Variants in TPR observed in about 807,000 individuals in gnomAD.
TPR encodes nucleoprotein TPR.
TPR carries 51 observed loss-of-function variants against 316.1 expected under a neutral mutation model. The ratio of observed to expected loss-of-function variants is 0.16; its 90% CI spans 0.13 to 0.20. The LOEUF is 0.20. Among genes scored for constraint, TPR ranks in the 10% least tolerant of loss-of-function variants. TPR has a pLI of 1.00. For missense variants in TPR, 2,272 were observed against 2,754.8 expected (o/e 0.82, Z 3.92); for synonymous variants, 981 against 914.7 (o/e 1.07, Z -1.31).
At chr1:186,368,286 A>AT (rs1659405949) in intron 3 of TPR, among the ~76,000 whole-genome samples, 1 of 152,196 alleles carries the variant, frequency 6.6e-6, no homozygotes, top group Non-Finnish European at 1.5e-5. Flanking sequence ...TTCAAGAAAG[A>AT]TTCCTAAAAA....
At chr1:186,356,185 T>A in intron 15 of TPR, 101 bp downstream of exon 15, 1 of 1,054,926 alleles carries the variant, frequency 9.5e-7, no homozygotes. Flanking sequence ...TAGTCAAATT[T>A]GAAGCTACCA....
At chr1:186,360,118 T>A in intron 11 of TPR, 122 bp from the exon 12 acceptor site, 1 of 1,291,604 alleles carries the variant, frequency 7.7e-7, no homozygotes, top group Non-Finnish European at 1.1e-6. Flanking sequence ...CTATGTTAGT[T>A]ACACAGCACT....
chr1:186,336,978 A>C, intron 32 of TPR, 35 bp downstream of exon 32: 1 of 1,612,606 alleles, frequency 6.2e-7, no homozygotes, highest in South Asian at 1.1e-5. Context: ...GTATAACAGG[A>C]AAGAATTAGG....
At chr1:186,341,512 T>A in intron 27 of TPR, 123 bp from the exon 28 acceptor site, 3 of 1,120,610 alleles carry the variant, frequency 2.7e-6, no homozygotes, top group African/African-American at 3.2e-5. Flanking sequence ...CTTTTAGAAC[T>A]AAAATTTTTG....
rs764118694 is a variant in TPR, at chr1:186,350,297, A to C, written c.2702T>G (p.Ile901Ser). Reference sequence around the variant, plus strand: ...ACTGAGGTGCTGTTTCAATGTGGCAATTTCTTTTTGAGCATTTTTTAATAG... The same window carrying C: ...ACTGAGGTGCTGTTTCAATGTGGCACTTTCTTTTTGAGCATTTTTTAATAG... ...KELLKNAQKE[I>S]ATLKQHLSNM... The change falls in exon 21 of 51, where the codon ATT (isoleucine) becomes AGT (serine). Residue 901 changes from isoleucine to serine, a missense_variant. Around this residue, in one of 10 missense-constraint regions of TPR, gnomAD observed 757 missense variants for 859.8 expected, o/e 0.88. Transcript: ENST00000367478. 1.9e-6 allele frequency: 3 copies of C among 1,613,790 alleles called. No homozygotes were observed. The highest frequency in any genetic ancestry group is 2.5e-6 in the Non-Finnish European group (3 of 1,179,888).
In TPR at chr1:186,313,654, T is replaced by G; in HGVS notation, c.*317A>C. 1 of 1,412,822 alleles carries G rather than the reference T, an allele frequency of 7.1e-7. No individual in the cohort carries two copies. The highest frequency in any genetic ancestry group is 1.0e-6 in the Non-Finnish European group (1 of 997,296). The allele number at this position is 1,412,822 out of a possible 1,614,324, so 87.5% of individuals were successfully genotyped here. On this transcript the variant is annotated 3_prime_UTR_variant, in exon 51 of 51. Transcript: ENST00000367478. ...GTTTGGGCATTGTTTTCTTTTTAAC[T>G]AAAAAAATGTTTTCTCTTCCATTTA...
rs1256914182 is a variant in TPR at position 186,318,726 on chromosome 1, T to C, written c.6664+7A>G. 6.2e-7 allele frequency: 1 copy of C among 1,613,950 alleles called. No individual in the cohort carries two copies. Among genetic ancestry groups the C allele is most frequent in the Non-Finnish European group, 8.5e-7 (1 of 1,179,982 alleles). Reference sequence around the variant, plus strand: ...AACAGAACCTACTATCTGCCTTTGATCCCTACCTGGGGCTGCTACTTGTAG... The same window carrying C: ...AACAGAACCTACTATCTGCCTTTGACCCCTACCTGGGGCTGCTACTTGTAG... On this transcript the variant is annotated splice_region_variant and intron_variant, in intron 47 of 50. Coordinates refer to ENST00000367478, the MANE Select transcript of TPR (RefSeq NM_003292.3).
At chr1:186,331,201 C>T (rs1658153835) in intron 39 of TPR, among the ~76,000 whole-genome samples, 1 of 152,058 alleles carries the variant, frequency 6.6e-6, no homozygotes. Context: ...GCAACCAGCA[C>T]TCTTGTATTT....
chr1:186,314,622 A>T lies in TPR; in HGVS notation c.7036+7T>A. 6.2e-7 allele frequency: 1 copy of T among 1,600,368 alleles called. No homozygotes were observed. Among genetic ancestry groups the T allele is most frequent in the South Asian group, 1.1e-5 (1 of 88,730 alleles). On this transcript the variant is annotated splice_region_variant and intron_variant, in intron 50 of 50. Transcript: ENST00000367478. Reference sequence around the variant, plus strand: ...TATCATGTAATCCAGTTATGTCAGAAATTCACCTCTCTGTCTGTTAAACTG... The same window carrying T: ...TATCATGTAATCCAGTTATGTCAGATATTCACCTCTCTGTCTGTTAAACTG...
In TPR at chr1:186,336,226, T is replaced by C. The variant is rs569410842; in HGVS notation, c.4705+270A>G. Among the ~76,000 whole-genome samples, 54 of 152,246 alleles carry C rather than the reference T, an allele frequency of 3.5e-4. 1 individual carries two copies. The highest frequency in any genetic ancestry group is 3.2e-3 in the Admixed American group (49 of 15,282). On this transcript the variant is annotated intron_variant, in intron 33 of 50. Coordinates refer to ENST00000367478, the MANE Select transcript of TPR (RefSeq NM_003292.3). The stretch of plus-strand genomic sequence containing the variant: ...GGATCTCTGTCACAAGATAGAATTG[T>C]TATCCATGAAAGCAGAAGGATAGCA...
At chr1:186,362,222 G>T in intron 7 of TPR, 66 bp downstream of exon 7, 3 of 1,325,406 alleles carry the variant, frequency 2.3e-6, no homozygotes, top group Non-Finnish European at 3.2e-6. Flanking sequence ...ACATCATTTT[G>T]TGAAATAACA....
At chr1:186,326,965 GA>G (rs923737867) in intron 40 of TPR, among the ~76,000 whole-genome samples, 1 of 106,376 alleles carries the variant, frequency 9.4e-6, no homozygotes, top group African/African-American at 3.6e-5. Context: ...TAAGATAGAA[GA>G]AAAACAATAT....
At chr1:186,315,616 T>C (rs545367803) in intron 49 of TPR, among the ~76,000 whole-genome samples, 61 of 152,126 alleles carry the variant, frequency 4.0e-4, no homozygotes, top group African/African-American at 1.4e-3. Flanking sequence ...CTCTTCTGTA[T>C]GCAGCAGCCA....
At chr1:186,325,885 A>T in intron 41 of TPR, 31 bp from the exon 42 acceptor site, 1 of 1,598,520 alleles carries the variant, frequency 6.3e-7, no homozygotes, top group Non-Finnish European at 8.5e-7. Context: ...CATAATGCTC[A>T]AATAAAATAA....
chr1:186,321,397 C>T (rs1421857529), intron 45 of TPR, among the ~76,000 whole-genome samples: 1 of 152,200 alleles, frequency 6.6e-6, no homozygotes, highest in Non-Finnish European at 1.5e-5. Flanking sequence ...CACGGAGAGC[C>T]TTTCAACCGT....
Position 186,314,035 on chromosome 1 carries a change from G to T in TPR, c.7037-9C>A. ...CATTGCATGGCTCACACCTGTAAAAGAAAAAAGAATCAAATTGAATATATC... is the reference window on the plus strand; with the variant it reads ...CATTGCATGGCTCACACCTGTAAAATAAAAAAGAATCAAATTGAATATATC... On this transcript the variant is annotated splice_polypyrimidine_tract_variant and intron_variant, in intron 50 of 50. Transcript: ENST00000367478. 1 of 1,605,602 alleles carries T rather than the reference G, an allele frequency of 6.2e-7. No individual in the cohort carries two copies. Among genetic ancestry groups the T allele is most frequent in the South Asian group, 1.1e-5 (1 of 90,040 alleles).
In TPR at chr1:186,334,365, T is replaced by C. The variant is rs1459912892; in HGVS notation, c.5142A>G (p.Thr1714=). Residue 1714 remains threonine, a synonymous_variant, in exon 36 of 51, where the codon ACA becomes ACG. Coordinates refer to ENST00000367478, the MANE Select transcript of TPR (RefSeq NM_003292.3). Reference sequence around the variant, plus strand: ...CTTGTGTAGTGGGCATCACTGTAGCTGTTGGGGTAGTAGTGGGATTTGTAA... The same window carrying C: ...CTTGTGTAGTGGGCATCACTGTAGCCGTTGGGGTAGTAGTGGGATTTGTAA... The part of the protein sequence containing the change: ...ATVTNPTTTP[T]ATVMPTTQVE... 1.2e-5 allele frequency: 19 copies of C among 1,613,460 alleles called. No homozygotes were observed. Among genetic ancestry groups the C allele is most frequent in the Non-Finnish European group, 1.5e-5 (18 of 1,179,654 alleles).
intron 18 of TPR, among the ~76,000 whole-genome samples, chr1:186,352,838 T>C (rs552779647): frequency 6.6e-6 from 1 of 152,310 alleles, no homozygotes; most frequent in East Asian, 1.9e-4. Flanking sequence ...CTCTTGAGTC[T>C]GTTTTACACA....
chr1:186,325,651 C>T (rs73046515), intron 42 of TPR, 113 bp downstream of exon 42: 13,940 of 813,430 alleles, frequency 0.017, 608 homozygotes, highest in African/African-American at 0.14. Context: ...AGAACAGGGG[C>T]CAATCTCTTT....
Sources: gnomAD v4.1 joint callset for allele counts (sites outside exome capture counted in the v4.1 genomes callset) on GRCh38, gnomAD v4.1.1 for gene constraint, gnomAD v4.1.1 regional missense constraint, MANE v1.5 for transcripts, NCBI Gene and HGNC (gene_info 2026-07-23, HGNC 2026-07-21) for gene names.